RELT: variants seen among roughly 807,000 people sequenced by gnomAD.
RELT encodes the protein RELT TNF receptor, also known as tumor necrosis factor receptor superfamily member 19L.
Under a neutral mutation model 51.1 loss-of-function variants are expected in RELT, and 37 were observed. The ratio of observed to expected loss-of-function variants is 0.72; its 90% CI spans 0.56 to 0.95. The LOEUF (loss-of-function observed/expected upper bound fraction) is 0.95, where lower values mean the gene tolerates loss of function less well. Among genes scored for constraint, RELT ranks in the 40% least tolerant of loss-of-function variants. The pLI is 0.00. For missense variants in RELT, 535 were observed against 572.6 expected, an observed-to-expected ratio of 0.93 and a Z score of 0.67; for synonymous variants, 241 against 235.7, an observed-to-expected ratio of 1.02 and a Z score of -0.21.
chr11:73,378,357 CAG>C (rs1227805725), intron 1 of RELT, among the ~76,000 whole-genome samples: 2 of 152,130 alleles, frequency 1.3e-5, no homozygotes, highest in Non-Finnish European at 2.9e-5. Flanking sequence ...GGGTGGGGGA[CAG>C]TGTCAGGCAC....
intron 1 of RELT, among the ~76,000 whole-genome samples, chr11:73,378,070 T>C (rs1189905960): frequency 6.6e-6 from 1 of 152,152 alleles, no homozygotes; most frequent in African/African-American, 2.4e-5. Flanking sequence ...GTTCCTTGGG[T>C]TGGGGGAGAG....
At chr11:73,378,576 C>T (rs1866004589) in intron 1 of RELT, among the ~76,000 whole-genome samples, 1 of 152,230 alleles carries the variant, frequency 6.6e-6, no homozygotes, top group Non-Finnish European at 1.5e-5. Context: ...GGATCACCCA[C>T]CTTCCTAATA....
intron 6 of RELT, chr11:73,393,229 G>T (rs1340467181): frequency 1.0e-6 from 1 of 1,001,444 alleles, no homozygotes; most frequent in African/African-American, 1.7e-5. Context: ...AGGAAACGTG[G>T]TGACTCAGGG....
intron 6 of RELT, chr11:73,393,157 C>A: frequency 2.0e-6 from 2 of 1,001,222 alleles, no homozygotes; most frequent in Non-Finnish European, 2.4e-6. Flanking sequence ...AGAGACCCTT[C>A]TAAGTCCTGA....
chr11:73,388,329 G>A lies in RELT; in HGVS notation c.-25-783G>A, dbSNP rs1403239488. 2.0e-5 allele frequency among the ~76,000 whole-genome samples: 3 copies of A among 152,218 alleles called. No homozygotes were observed. Among genetic ancestry groups the A allele is most frequent in the African/African-American group, 7.2e-5 (3 of 41,454 alleles). On this transcript the variant is annotated intron_variant, in intron 1 of 10. Coordinates refer to ENST00000064780, the MANE Select transcript of RELT (RefSeq NM_152222.2). The surrounding 1 kb of genome is among the most constrained non-coding windows in gnomAD (Gnocchi z 4.1). ...ATACCGATTTCTCCAGTGCCCGCAC[G>A]CAGTAGGTGCTGGAGAGATGACAAA...
chr11:73,391,620 C>T (rs996018810), intron 5 of RELT, among the ~76,000 whole-genome samples: 10 of 152,208 alleles, frequency 6.6e-5, no homozygotes, highest in Non-Finnish European at 1.0e-4. Flanking sequence ...TAGCAAGACC[C>T]TGTCTGCAAA....
chr11:73,389,722 A>T (rs578261777), intron 2 of RELT, among the ~76,000 whole-genome samples: 121 of 152,308 alleles, frequency 7.9e-4, no homozygotes, highest in Non-Finnish European at 1.1e-3. Flanking sequence ...AGGGAGGGTG[A>T]GACTTGGCCT....
intron 1 of RELT, among the ~76,000 whole-genome samples, chr11:73,378,495 AG>A (rs999363187): frequency 3.9e-5 from 6 of 152,242 alleles, no homozygotes; most frequent in African/African-American, 1.4e-4. Flanking sequence ...AAGGTCATAC[AG>A]AGTCAGGACA....
In RELT at chr11:73,394,184, G is replaced by A. The variant is rs991056334; in HGVS notation, c.707-52G>A. On this transcript the variant is annotated intron_variant, in intron 7 of 10. Transcript: ENST00000064780. The surrounding 1 kb of genome is among the most constrained non-coding windows in gnomAD (Gnocchi z 4.9). The stretch of plus-strand genomic sequence containing the variant: ...GGGTTCTCTGCTGGGGCAGGGGGTG[G>A]GAGGTGTGTCCCATATGGCCACAGT... 2.0e-6 allele frequency: 3 copies of A among 1,482,784 alleles called. No homozygotes were observed. The highest frequency in any genetic ancestry group is 2.8e-6 in the Non-Finnish European group (3 of 1,083,614). 91.9% of individuals were successfully genotyped at this position (1,482,784 alleles called of 1,614,324 possible).
At chr11:73,389,010 C>T in intron 1 of RELT, 102 bp from the exon 2 acceptor site, 1 of 693,698 alleles carries the variant, frequency 1.4e-6, no homozygotes, top group South Asian at 1.6e-5. Context: ...AGCACCTTGC[C>T]TGCTCCCCAT....
chr11:73,393,182 G>A (rs567225649), intron 6 of RELT: 31 of 1,000,076 alleles, frequency 3.1e-5, no homozygotes, highest in African/African-American at 2.3e-4. Context: ...GAAGTCTGGC[G>A]GGGGCAGGAA....
intron 1 of RELT, chr11:73,384,592 A>C (rs1029756608): frequency 6.6e-6 from 1 of 152,300 alleles, no homozygotes; most frequent in African/African-American, 2.4e-5. Context: ...AGAGCAGAGC[A>C]GGACTGCACC....
In RELT at chr11:73,376,861, C is replaced by A. The variant is rs556331058; in HGVS notation, c.-26+362C>A. 26 of 152,592 alleles carry A rather than the reference C, an allele frequency of 1.7e-4. No individual in the cohort carries two copies. In the South Asian group the frequency reaches 5.3e-3, roughly 31 times the overall value. 9.5% of individuals were successfully genotyped at this position (152,592 alleles called of 1,614,324 possible). On this transcript the variant is annotated intron_variant, in intron 1 of 10. Coordinates refer to ENST00000064780, the MANE Select transcript of RELT (RefSeq NM_152222.2). ...GGTCCCCGGCCCGGGAAACTTGGAC[C>A]GAGACCAGGTTGTGGTGCGGGCTGG...
At position 73,395,707 on chromosome 11, in the gene RELT, C is replaced by T. The variant is rs905680098; in HGVS notation, c.*216C>T. Reference sequence around the variant, plus strand: ...GTACAGGAGCAGGCTGAGCCCCGCCCCTGGCCCTGCTGCCATGTTGCTCCC... The same window carrying T: ...GTACAGGAGCAGGCTGAGCCCCGCCTCTGGCCCTGCTGCCATGTTGCTCCC... On this transcript the variant is annotated 3_prime_UTR_variant, in exon 11 of 11. Transcript: ENST00000064780. The T allele has an allele frequency of 3.4e-6, 2 of 585,612 alleles. No individual in the cohort carries two copies. Among genetic ancestry groups the T allele is most frequent in the Non-Finnish European group, 3.1e-6 (1 of 327,484 alleles). The allele number at this position is 585,612 out of a possible 1,614,324, so 36.3% of individuals were successfully genotyped here.
intron 1 of RELT, among the ~76,000 whole-genome samples, chr11:73,385,117 C>T (rs768046719): frequency 3.3e-5 from 5 of 151,700 alleles, no homozygotes; most frequent in Non-Finnish European, 7.4e-5. Context: ...GGCTGCAGGG[C>T]GGGACTGACC....
chr11:73,394,928 C>G lies in RELT; in HGVS notation c.1047-159C>G. The G allele has an allele frequency of 1.1e-6, 1 of 877,902 alleles. No homozygotes were observed. Among genetic ancestry groups the G allele is most frequent in the Non-Finnish European group, 1.7e-6 (1 of 576,202 alleles). The allele number at this position is 877,902 out of a possible 1,614,324, so 54.4% of individuals were successfully genotyped here. ...GGTTATGTTGTGTCTCACATGGAGCCCTTGCATCCCTAGGGCAGCATCTTG... is the reference window on the plus strand; with the variant it reads ...GGTTATGTTGTGTCTCACATGGAGCGCTTGCATCCCTAGGGCAGCATCTTG... On this transcript the variant is annotated intron_variant, in intron 9 of 10. Coordinates refer to ENST00000064780, the MANE Select transcript of RELT (RefSeq NM_152222.2). This position sits in a 1 kb window ranked among gnomAD's most constrained non-coding sequence, Gnocchi z 4.9.
rs1866306140 is a variant in RELT, at chr11:73,395,581, G to A, written c.*90G>A. The stretch of plus-strand genomic sequence containing the variant: ...GGTGGAGCTGCAGCTGGGACTGTGA[G>A]GACCGAGAAGCAATGGCCCAGCAGA... On this transcript the variant is annotated 3_prime_UTR_variant, in exon 11 of 11. Coordinates refer to ENST00000064780, the MANE Select transcript of RELT (RefSeq NM_152222.2). 1.3e-6 allele frequency: 1 copy of A among 772,644 alleles called. No homozygotes were observed. The highest frequency in any genetic ancestry group is 1.3e-5 in the South Asian group (1 of 74,098). 47.9% of individuals were successfully genotyped at this position (772,644 alleles called of 1,614,324 possible). A position where few individuals can be genotyped will look rare whatever the true frequency, so the allele number is the denominator to read the frequency against.
At chr11:73,391,848 A>C in intron 5 of RELT, 1 of 389,052 alleles carries the variant, frequency 2.6e-6, no homozygotes, top group South Asian at 3.1e-5. Context: ...CCCGCCACTG[A>C]GTCAGTCACC....
rs764644070 is a variant in RELT at position 73,394,601 on chromosome 11, G to A, written c.913G>A (p.Glu305Lys). ...CSRCSQKKWP[E>K]VLLSPEAVAA... is the part of the protein sequence containing the mutation. ...CCGCTGTAGCCAGAAGAAGTGGCCC[G>A]AGGTGCTGCTGTCCCCTGAGGCTGT... is the stretch of plus-strand genomic sequence containing the variant. The change falls in exon 9 of 11, where the codon GAG (glutamate) becomes AAG (lysine). Residue 305 changes from glutamate to lysine, a missense_variant. Coordinates refer to ENST00000064780, the MANE Select transcript of RELT (RefSeq NM_152222.2). The surrounding 1 kb of genome is among the most constrained non-coding windows in gnomAD (Gnocchi z 4.9). 13 of 1,613,240 alleles carry A rather than the reference G, an allele frequency of 8.1e-6. No individual in the cohort carries two copies. Among genetic ancestry groups the A allele is most frequent in the Admixed American group, 6.7e-5 (4 of 60,028 alleles).
Sources: gnomAD v4.1 joint callset for allele counts (sites outside exome capture counted in the v4.1 genomes callset) on GRCh38, gnomAD v4.1.1 for gene constraint, Gnocchi (gnomAD v3.1) non-coding constraint, MANE v1.5 for transcripts, NCBI Gene and HGNC (gene_info 2026-07-23, HGNC 2026-07-21) for gene names.